AGBL1: variants seen among roughly 807,000 people sequenced by gnomAD.
The protein encoded by AGBL1 is AGBL carboxypeptidase 1, also known as cytosolic carboxypeptidase 4.
In AGBL1, 130 loss-of-function variants were observed where a neutral mutation model predicts 118.9. The observed-to-expected ratio is 1.09, with a 90% CI of 0.95 to 1.26. The LOEUF is 1.26. Among genes scored for constraint, AGBL1 ranks in the 50% most tolerant of loss-of-function variants. The probability of loss-of-function intolerance (pLI) is 0.00; values close to 1 mark genes in which losing one functional copy is unlikely to be tolerated. For missense variants in AGBL1, 1,584 were observed against 1,298.1 expected (o/e 1.22, Z -3.38); for synonymous variants, 555 against 478.9 (o/e 1.16, Z -2.08).
chr15:86,771,572 A>G (rs1349255861), intron 22 of AGBL1, among the ~76,000 whole-genome samples: 1 of 151,920 alleles, frequency 6.6e-6, no homozygotes, highest in Non-Finnish European at 1.5e-5. Context: ...CCGTATTTCC[A>G]TGCCTGGTTT....
rs1423876492 is a variant in AGBL1 at position 86,674,452 on chromosome 15, G to A, written c.3158+16G>A. On this transcript the variant is annotated intron_variant, in intron 22 of 22. Coordinates refer to ENST00000614907, the MANE Select transcript of AGBL1 (RefSeq NM_001386094.1). ...ACCTCCAACGGTAAGATGCTCCCAA[G>A]GGCTCAGAGAAATTTGGACCTTGGT... The A allele has an allele frequency of 1.3e-6, 2 of 1,593,920 alleles. No homozygotes were observed. Among genetic ancestry groups the A allele is most frequent in the South Asian group, 1.1e-5 (1 of 90,172 alleles).
chr15:86,094,673 C>T (rs1044295191), intron 1 of AGBL1, among the ~76,000 whole-genome samples: 1 of 152,172 alleles, frequency 6.6e-6, no homozygotes, highest in African/African-American at 2.4e-5. Context: ...AGGCTGTACA[C>T]CTTCTCCCCT....
At chr15:86,185,879 C>T (rs1329959495) in intron 5 of AGBL1, among the ~76,000 whole-genome samples, 3 of 152,146 alleles carry the variant, frequency 2.0e-5, no homozygotes, top group Admixed American at 1.3e-4. Context: ...ACGTTGTGCA[C>T]ATGTACCCTG....
intron 21 of AGBL1, among the ~76,000 whole-genome samples, chr15:86,672,076 A>C (rs572137322): frequency 6.6e-6 from 1 of 152,194 alleles, no homozygotes; most frequent in African/African-American, 2.4e-5. Flanking sequence ...TTTTTCTAAA[A>C]CAAAACAAAA....
intron 24 of AGBL1, among the ~76,000 whole-genome samples, chr15:86,998,950 T>C (rs2081406547): frequency 6.6e-6 from 1 of 151,220 alleles, no homozygotes; most frequent in Admixed American, 6.6e-5. Context: ...GCCATGTTGG[T>C]GTGCTGCACT....
chr15:86,847,117 TC>T (rs1411716541), intron 22 of AGBL1, among the ~76,000 whole-genome samples: 1 of 152,226 alleles, frequency 6.6e-6, no homozygotes, highest in Non-Finnish European at 1.5e-5. Context: ...TTTATGTGGT[TC>T]TTTTCATAAT....
intron 22 of AGBL1, among the ~76,000 whole-genome samples, chr15:86,827,938 C>CTTTTTTTTTTTTTTTTTTATTTTTTTT (rs2079053062): frequency 6.0e-5 from 1 of 16,760 alleles, no homozygotes; most frequent in African/African-American, 2.0e-4. Context: ...TGATGTAGGG[C>CTTTTTTTTTTTTTTTTTTATTTTTTTT]TTTTTTTTTT....
intron 23 of AGBL1, among the ~76,000 whole-genome samples, chr15:86,926,124 C>T (rs971661818): frequency 5.9e-5 from 9 of 152,232 alleles, no homozygotes; most frequent in Admixed American, 2.0e-4. Context: ...TTTCCCTCCA[C>T]GTTCCTTTCA....
chr15:86,292,356 G>A (rs937603667), intron 16 of AGBL1, among the ~76,000 whole-genome samples: 2 of 152,096 alleles, frequency 1.3e-5, no homozygotes, highest in African/African-American at 4.8e-5. Flanking sequence ...AGGAATGCAG[G>A]TGACCTCTAG....
chr15:86,853,705 G>T (rs1459215995), intron 22 of AGBL1, among the ~76,000 whole-genome samples: 2 of 152,112 alleles, frequency 1.3e-5, no homozygotes, highest in Non-Finnish European at 2.9e-5. Flanking sequence ...ACCGACTTGT[G>T]CAGCCATCGC....
intron 17 of AGBL1, among the ~76,000 whole-genome samples, chr15:86,306,267 T>C (rs2079838915): frequency 6.6e-6 from 1 of 152,110 alleles, no homozygotes; most frequent in South Asian, 2.1e-4. Flanking sequence ...AGTCATTCTA[T>C]TTTCTTGTAC....
intron 22 of AGBL1, among the ~76,000 whole-genome samples, chr15:86,819,291 C>G (rs2078907124): frequency 6.6e-6 from 1 of 151,928 alleles, no homozygotes. Flanking sequence ...GAAGGAGGTA[C>G]ACAAAGATAA....
At chr15:86,143,932 T>A in intron 3 of AGBL1, 87 bp downstream of exon 3, 1 of 1,484,516 alleles carries the variant, frequency 6.7e-7, no homozygotes, top group South Asian at 1.3e-5. Context: ...TTTGGTGGAG[T>A]AGCACAGGGA....
chr15:86,865,652 C>T (rs189963665), intron 22 of AGBL1, among the ~76,000 whole-genome samples: 1 of 152,280 alleles, frequency 6.6e-6, no homozygotes, highest in Admixed American at 6.5e-5. Flanking sequence ...CATTTTCTTC[C>T]CAAAGCACAA....
chr15:86,288,641 C>A (rs2079494084), intron 16 of AGBL1, among the ~76,000 whole-genome samples: 1 of 151,780 alleles, frequency 6.6e-6, no homozygotes, highest in Non-Finnish European at 1.5e-5. Context: ...TATGTATGAT[C>A]AATTATTGCT....
intron 18 of AGBL1, among the ~76,000 whole-genome samples, chr15:86,434,042 G>C (rs1447167829): frequency 1.3e-5 from 2 of 152,208 alleles, no homozygotes. Flanking sequence ...GGAAATTACA[G>C]GCATCTACAA....
chr15:86,383,927 A>G (rs2081146955), intron 17 of AGBL1, among the ~76,000 whole-genome samples: 1 of 152,254 alleles, frequency 6.6e-6, no homozygotes, highest in Admixed American at 6.5e-5. Flanking sequence ...TTTCTGAATT[A>G]AATCAATAGC....
intron 19 of AGBL1, among the ~76,000 whole-genome samples, chr15:86,535,992 C>T (rs186001319): frequency 5.9e-5 from 9 of 152,192 alleles, no homozygotes; most frequent in Admixed American, 5.2e-4. Flanking sequence ...AGGAAAAGAA[C>T]AAACACTCCT....
chr15:86,903,274 C>T (rs944509771), intron 22 of AGBL1, among the ~76,000 whole-genome samples: 1 of 151,694 alleles, frequency 6.6e-6, no homozygotes. Context: ...GCTTCCATTT[C>T]TTTGCTGAGA....
Sources: gnomAD v4.1 joint callset for allele counts (sites outside exome capture counted in the v4.1 genomes callset) on GRCh38, gnomAD v4.1.1 for gene constraint, MANE v1.5 for transcripts, NCBI Gene and HGNC (gene_info 2026-07-23, HGNC 2026-07-21) for gene names.